The following AJAP1 variants were observed in gnomAD, a reference collection of about 807,000 sequenced individuals.
AJAP1 encodes adherens junctions associated protein 1.
AJAP1 carries 5 observed loss-of-function variants against 35.0 expected under a neutral mutation model. The observed-to-expected ratio is 0.14, with a 90% CI of 0.07 to 0.30. The LOEUF is 0.30. Ranked by LOEUF, AJAP1 falls within the 10% of genes least tolerant of loss-of-function variation. AJAP1 has a pLI of 1.00. For missense variants in AJAP1, 586 were observed against 571.0 expected, an observed-to-expected ratio of 1.03 and a Z score of -0.27; for synonymous variants, 284 against 249.3, an observed-to-expected ratio of 1.14 and a Z score of -1.31.
At chr1:4,677,044 G>A (rs1639377383) in intron 1 of AJAP1, among the ~76,000 whole-genome samples, 2 of 152,162 alleles carry the variant, frequency 1.3e-5, no homozygotes, top group Non-Finnish European at 2.9e-5. Flanking sequence ...GTAATCTCAG[G>A]TACTTGGGAG....
intron 1 of AJAP1, among the ~76,000 whole-genome samples, chr1:4,681,833 C>T (rs1639490153): frequency 6.6e-6 from 1 of 152,178 alleles, no homozygotes; most frequent in African/African-American, 2.4e-5. Context: ...GGGCGATTCA[C>T]TCATGATCTC....
At chr1:4,754,806 G>C (rs1386403380) in intron 2 of AJAP1, among the ~76,000 whole-genome samples, 1 of 152,168 alleles carries the variant, frequency 6.6e-6, no homozygotes, top group Non-Finnish European at 1.5e-5. Context: ...TATTCCAAGC[G>C]AGCGAGCCTC....
intron 2 of AJAP1, among the ~76,000 whole-genome samples, chr1:4,713,111 C>A (rs1401743246): frequency 6.6e-6 from 1 of 152,056 alleles, no homozygotes; most frequent in Admixed American, 6.5e-5. Context: ...AATTAAGGAT[C>A]CCCCCGCCCC....
rs200234894 is a variant in AJAP1 at position 4,711,892 on chromosome 1, C to A, written c.30-8C>A. The A allele has an allele frequency of 2.0e-6, 3 of 1,474,884 alleles. No individual in the cohort carries two copies. The highest frequency in any genetic ancestry group is 2.8e-5 in the South Asian group (2 of 70,404). 91.4% of individuals were successfully genotyped at this position (1,474,884 alleles called of 1,614,324 possible). A position where few individuals can be genotyped will look rare whatever the true frequency, so the allele number is the denominator to read the frequency against. ...TGACCGCTCTTCTCTCCTTTCCCCC[C>A]CGCACAGCTCCATGTCCATCCGCTG... On this transcript the variant is annotated splice_polypyrimidine_tract_variant and splice_region_variant and intron_variant, in intron 1 of 5. Coordinates refer to ENST00000378191, the MANE Select transcript of AJAP1 (RefSeq NM_018836.4).
intron 2 of AJAP1, among the ~76,000 whole-genome samples, chr1:4,768,538 C>T (rs1223877990): frequency 6.6e-6 from 1 of 152,270 alleles, no homozygotes; most frequent in African/African-American, 2.4e-5. Flanking sequence ...AATCTTGACA[C>T]TGAAACCCGC....
chr1:4,665,659 G>C (rs1035413328), intron 1 of AJAP1, among the ~76,000 whole-genome samples: 1 of 152,176 alleles, frequency 6.6e-6, no homozygotes, highest in African/African-American at 2.4e-5. Context: ...GTGAGAGCCA[G>C]GCAGCGTGAC....
intron 1 of AJAP1, among the ~76,000 whole-genome samples, chr1:4,679,381 G>GATGA (rs148014994): frequency 0.042 from 6,457 of 152,078 alleles, 181 homozygotes; most frequent in East Asian, 0.074. Flanking sequence ...ATATCTGAGT[G>GATGA]ATGAATGAAT....
chr1:4,664,262 G>A (rs777880671), intron 1 of AJAP1, among the ~76,000 whole-genome samples: 3 of 152,226 alleles, frequency 2.0e-5, no homozygotes, highest in Non-Finnish European at 4.4e-5. Context: ...TGGATTGGAT[G>A]TATTTAAGGA....
intron 2 of AJAP1, among the ~76,000 whole-genome samples, chr1:4,747,425 G>T (rs910162514): frequency 1.3e-5 from 2 of 152,128 alleles, no homozygotes; most frequent in African/African-American, 4.8e-5. Flanking sequence ...GTTGGCCAGG[G>T]CCTCCTCCTC....
intron 1 of AJAP1, among the ~76,000 whole-genome samples, chr1:4,683,259 A>C (rs912448592): frequency 2.6e-5 from 4 of 152,222 alleles, no homozygotes; most frequent in Admixed American, 2.6e-4. Context: ...TGTGCCTGGC[A>C]CTGGGCCTGC....
At position 4,720,119 on chromosome 1, in the gene AJAP1, C is replaced by G. The variant is rs1031792602; in HGVS notation, c.829+7420C>G. Among the ~76,000 whole-genome samples, 1 of 152,150 alleles carries G rather than the reference C, an allele frequency of 6.6e-6. No homozygotes were observed. The highest frequency in any genetic ancestry group is 2.4e-5 in the African/African-American group (1 of 41,442). On this transcript the variant is annotated intron_variant, in intron 2 of 5. Transcript: ENST00000378191. This position sits in a 1 kb window ranked among gnomAD's most constrained non-coding sequence, Gnocchi z 4.4. ...TTTGCAGCAGATAAGTTCCAAGTGA[C>G]GTTTGAGGGCTCCCCAGGTGGTCAC...
At chr1:4,698,808 C>G (rs939636332) in intron 1 of AJAP1, among the ~76,000 whole-genome samples, 7 of 152,182 alleles carry the variant, frequency 4.6e-5, no homozygotes, top group Non-Finnish European at 1.0e-4. Context: ...CTCCGATGTG[C>G]CAGAACTCAA....
chr1:4,713,417 A>AGG (rs1640313954), intron 2 of AJAP1, among the ~76,000 whole-genome samples: 1 of 152,226 alleles, frequency 6.6e-6, no homozygotes. Context: ...CTGTGGACAC[A>AGG]CACAGTTCAC....
intron 2 of AJAP1, among the ~76,000 whole-genome samples, chr1:4,716,996 C>G (rs989532392): frequency 6.6e-6 from 1 of 152,182 alleles, no homozygotes; most frequent in Admixed American, 6.5e-5. Context: ...CACGTGAGCA[C>G]TGGCAGAGTG....
intron 2 of AJAP1, among the ~76,000 whole-genome samples, chr1:4,767,927 G>A (rs1462064694): frequency 6.6e-6 from 1 of 152,232 alleles, no homozygotes; most frequent in African/African-American, 2.4e-5. Context: ...CTCTGCACAT[G>A]AGGTCTGAGT....
intron 1 of AJAP1, among the ~76,000 whole-genome samples, chr1:4,657,492 A>C (rs1638907384): frequency 6.6e-6 from 1 of 152,174 alleles, no homozygotes; most frequent in African/African-American, 2.4e-5. Context: ...ACTCTGAGCC[A>C]AAGGGTTGCA....
chr1:4,730,302 T>C (rs995132224), intron 2 of AJAP1, among the ~76,000 whole-genome samples: 1 of 152,174 alleles, frequency 6.6e-6, no homozygotes, highest in African/African-American at 2.4e-5. Context: ...TTGTTAACTT[T>C]GGCTCCTGGG....
Position 4,742,482 on chromosome 1 carries a change from A to G in AJAP1, c.830-27371A>G, listed in dbSNP as rs1341177900. Among the ~76,000 whole-genome samples the G allele has an allele frequency of 2.6e-5, 4 of 152,142 alleles. No individual in the cohort carries two copies. In the South Asian group the frequency reaches 6.2e-4, roughly 24 times the overall value. The stretch of plus-strand genomic sequence containing the variant: ...TCCCAATTGGAAGACGAGAGACTCA[A>G]ATGCAAGTTGGGAGCCTGAATGGGG... On this transcript the variant is annotated intron_variant, in intron 2 of 5. Coordinates refer to ENST00000378191, the MANE Select transcript of AJAP1 (RefSeq NM_018836.4).
intron 2 of AJAP1, among the ~76,000 whole-genome samples, chr1:4,753,151 A>G (rs1641357568): frequency 1.3e-5 from 2 of 152,190 alleles, no homozygotes; most frequent in South Asian, 4.1e-4. Flanking sequence ...TGAGATTTTC[A>G]CAGTTCTTTT....
Sources: allele counts gnomAD v4.1 joint callset (sites outside exome capture counted in the v4.1 genomes callset), GRCh38; gene constraint gnomAD v4.1.1; non-coding constraint Gnocchi (gnomAD v3.1); transcripts MANE v1.5; gene names NCBI Gene and HGNC (gene_info 2026-07-23, HGNC 2026-07-21).